DCAF8: variants seen among roughly 807,000 people sequenced by gnomAD.
DCAF8 encodes the protein DDB1 and CUL4 associated factor 8, also known as DDB1- and CUL4-associated factor 8.
Under a neutral mutation model 68.0 loss-of-function variants are expected in DCAF8, and 20 were observed. The observed-to-expected ratio is 0.29, with a 90% CI of 0.21 to 0.43. The LOEUF is 0.43. Among genes scored for constraint, DCAF8 ranks in the 20% least tolerant of loss-of-function variants. The pLI is 1.00. For synonymous variants in DCAF8, 230 were observed against 276.9 expected, an observed-to-expected ratio of 0.83 and a Z score of 1.68; for missense variants, 460 against 771.0, an observed-to-expected ratio of 0.60 and a Z score of 4.78.
At chr1:160,220,146 A>G (rs1655249976) in intron 11 of DCAF8, 1 of 152,220 alleles carries the variant, frequency 6.6e-6, no homozygotes, top group African/African-American at 2.4e-5. Flanking sequence ...ATAAAACAGA[A>G]ACCCCGTTCT....
chr1:160,233,660 TCAAA>T (rs1429321986), intron 6 of DCAF8, among the ~76,000 whole-genome samples: 1 of 152,022 alleles, frequency 6.6e-6, no homozygotes, highest in African/African-American at 2.4e-5. Flanking sequence ...AAGGACAAGG[TCAAA>T]CAAATACAAA....
chr1:160,235,437 C>G (rs1655835077), intron 6 of DCAF8, among the ~76,000 whole-genome samples: 1 of 151,824 alleles, frequency 6.6e-6, no homozygotes, highest in Non-Finnish European at 1.5e-5. Flanking sequence ...TTATAATAAT[C>G]TTTAAGACAA....
intron 7 of DCAF8, 76 bp from the exon 8 acceptor site, chr1:160,225,739 C>A: frequency 8.4e-7 from 1 of 1,184,988 alleles, no homozygotes. Flanking sequence ...GATGTAGTGG[C>A]AGGAAACTGC....
At chr1:160,256,629 G>A (rs959361487) in intron 2 of DCAF8, among the ~76,000 whole-genome samples, 4 of 151,980 alleles carry the variant, frequency 2.6e-5, no homozygotes, top group Non-Finnish European at 4.4e-5. Context: ...TTTAGAACTT[G>A]GCCAGACTTC....
chr1:160,224,527 A>C lies in DCAF8; in HGVS notation c.1224T>G (p.Asp408Glu). 6.2e-7 allele frequency: 1 copy of C among 1,614,116 alleles called. No individual in the cohort carries two copies. Among genetic ancestry groups the C allele is most frequent in the Non-Finnish European group, 8.5e-7 (1 of 1,179,946 alleles). ...DGTELLASYNDEDIYLFNSSH... is the reference protein window; with the variant it reads ...DGTELLASYNEEDIYLFNSSH... Reference sequence around the variant, plus strand: ...AGGAGTTGAAGAGGTAAATGTCTTCATCATTGTAACTGGCCAGGAGCTCTG... The same window carrying C: ...AGGAGTTGAAGAGGTAAATGTCTTCCTCATTGTAACTGGCCAGGAGCTCTG... The change falls in exon 10 of 14, where the codon GAT (aspartate) becomes GAG (glutamate). Residue 408 changes from aspartate to glutamate, a missense_variant. Around this residue, in one of 8 missense-constraint regions of DCAF8, gnomAD observed 16 missense variants for 17.3 expected, o/e 0.93. Coordinates refer to ENST00000368074, the MANE Select transcript of DCAF8 (RefSeq NM_015726.4).
chr1:160,219,933 T>G (rs765621956), intron 11 of DCAF8: 1 of 152,262 alleles, frequency 6.6e-6, no homozygotes, highest in Admixed American at 6.5e-5. Context: ...GCTGGACCTA[T>G]AGTCCAAGAA....
At chr1:160,253,647 CAAAAAAAAAAA>C (rs747211563) in intron 2 of DCAF8, among the ~76,000 whole-genome samples, 1,464 of 26,946 alleles carry the variant, frequency 0.054, 47 homozygotes, top group African/African-American at 0.13. Context: ...GACTCCATCT[CAAAAAAAAAAA>C]AAAAAAAAAA....
chr1:160,233,846 G>C (rs1195832417), intron 6 of DCAF8, among the ~76,000 whole-genome samples: 1 of 152,134 alleles, frequency 6.6e-6, no homozygotes, highest in Non-Finnish European at 1.5e-5. Context: ...GAACTCTGCA[G>C]GGGGCATGCA....
chr1:160,262,474 C>G lies in DCAF8; in HGVS notation c.-126G>C. On this transcript the variant is annotated 5_prime_UTR_variant, in exon 1 of 14. Transcript: ENST00000368074. ...ACTGGCCAGCGGCCGCCACCACCAC[C>G]GCCTCCGCTCTCTGCGCTTGCGCCT... 2 of 401,046 alleles carry G rather than the reference C, an allele frequency of 5.0e-6. No homozygotes were observed. Among genetic ancestry groups the G allele is most frequent in the Non-Finnish European group, 8.8e-6 (2 of 227,532 alleles). 24.8% of individuals were successfully genotyped at this position (401,046 alleles called of 1,614,324 possible). A position where few individuals can be genotyped will look rare whatever the true frequency, so the allele number is the denominator to read the frequency against.
At chr1:160,234,846 C>T (rs1655815471) in intron 6 of DCAF8, among the ~76,000 whole-genome samples, 1 of 152,150 alleles carries the variant, frequency 6.6e-6, no homozygotes, top group Non-Finnish European at 1.5e-5. Context: ...TAGGCTTGTT[C>T]CATTTCCACT....
At chr1:160,250,053 C>A (rs913028081) in intron 2 of DCAF8, among the ~76,000 whole-genome samples, 1 of 152,094 alleles carries the variant, frequency 6.6e-6, no homozygotes, top group African/African-American at 2.4e-5. Context: ...ATGTTCCATG[C>A]GCCAATCACA....
At chr1:160,223,267 G>A (rs16831628) in intron 10 of DCAF8, among the ~76,000 whole-genome samples, 7,317 of 152,236 alleles carry the variant, frequency 0.048, 250 homozygotes, top group Middle Eastern at 0.075. Flanking sequence ...TCCACTCTCC[G>A]GAATCAGTAA....
Position 160,237,234 on chromosome 1 carries a change from A to C in DCAF8, c.865-5T>G. ...AGAGTCTGGTTCCAGTGCCAACTGA[A>C]GAAGAAAAAGGAAAAACATGAGGTT... On this transcript the variant is annotated splice_region_variant and splice_polypyrimidine_tract_variant and intron_variant, in intron 5 of 13. Coordinates refer to ENST00000368074, the MANE Select transcript of DCAF8 (RefSeq NM_015726.4). 2 of 1,550,942 alleles carry C rather than the reference A, an allele frequency of 1.3e-6. No individual in the cohort carries two copies. Among genetic ancestry groups the C allele is most frequent in the Non-Finnish European group, 8.7e-7 (1 of 1,143,562 alleles).
chr1:160,242,240 G>A (rs1193407771), intron 3 of DCAF8, among the ~76,000 whole-genome samples: 15 of 140,638 alleles, frequency 1.1e-4, no homozygotes, highest in Non-Finnish European at 6.1e-5. Context: ...GCAAAACTCT[G>A]TCTCAAAAAA....
At chr1:160,259,311 G>C (rs371042081) in intron 2 of DCAF8, among the ~76,000 whole-genome samples, 6 of 152,258 alleles carry the variant, frequency 3.9e-5, no homozygotes, top group African/African-American at 7.2e-5. Context: ...GAGGCGGGCA[G>C]ATCACAAGGT....
At position 160,216,032 on chromosome 1, in the gene DCAF8, T is replaced by C. The variant is rs961090732; in HGVS notation, c.*1560A>G. On this transcript the variant is annotated 3_prime_UTR_variant, in exon 14 of 14. Coordinates refer to ENST00000368074, the MANE Select transcript of DCAF8 (RefSeq NM_015726.4). ...TCTTGTGGAACTGGGGGCAAAAAAA[T>C]AGCAGCAAAAGCACTTAAGGGCAAG... The C allele has an allele frequency of 6.6e-6, 1 of 152,020 alleles. No individual in the cohort carries two copies. The highest frequency in any genetic ancestry group is 2.4e-5 in the African/African-American group (1 of 41,376). 9.4% of individuals were successfully genotyped at this position (152,020 alleles called of 1,614,324 possible).
At chr1:160,220,737 G>A (rs1159339380) in intron 11 of DCAF8, 1 of 152,206 alleles carries the variant, frequency 6.6e-6, no homozygotes, top group Non-Finnish European at 1.5e-5. Context: ...AAATCAGTCA[G>A]GAGATCTGGG....
chr1:160,217,804 T>TAATTTTTTAATTA, intron 13 of DCAF8, 96 bp from the exon 14 acceptor site: 1 of 927,234 alleles, frequency 1.1e-6, no homozygotes, highest in Non-Finnish European at 1.7e-6. Context: ...AGGCCAGAGA[T>TAATTTTTTAATTA]CAGCAGAATT....
intron 5 of DCAF8, 122 bp downstream of exon 5, chr1:160,238,485 T>C: frequency 9.0e-7 from 1 of 1,109,720 alleles, no homozygotes; most frequent in Non-Finnish European, 1.2e-6. Flanking sequence ...ATCTTAGGAC[T>C]GAAAGAGGTG....
Sources: allele counts gnomAD v4.1 joint callset (sites outside exome capture counted in the v4.1 genomes callset), GRCh38; gene constraint gnomAD v4.1.1; regional missense constraint gnomAD v4.1.1; transcripts MANE v1.5; gene names NCBI Gene and HGNC (gene_info 2026-07-23, HGNC 2026-07-21).